Variants in WDR44 observed in about 807,000 individuals in gnomAD.
WDR44 encodes the protein WD repeat domain 44.
In WDR44, 9 loss-of-function variants were observed where a neutral mutation model predicts 65.7. The ratio of observed to expected loss-of-function variants is 0.14; its 90% CI spans 0.08 to 0.24. WDR44 has a LOEUF of 0.24. Among genes scored for constraint, WDR44 ranks in the 10% least tolerant of loss-of-function variants. The pLI, the probability that WDR44 is intolerant of heterozygous loss-of-function variation, is 1.00. For missense variants in WDR44, 425 were observed against 670.9 expected (o/e 0.63, Z 4.05); for synonymous variants, 220 against 235.2 (o/e 0.94, Z 0.59).
chrX:118,432,924 A>ATAAG, intron 13 of WDR44, 30 bp downstream of exon 13: 2 of 1,118,193 alleles, frequency 1.8e-6, no homozygotes, highest in South Asian at 3.7e-5. Context: ...ATCATATAGT[A>ATAAG]ATTCTGCGTA....
In WDR44 at chrX:118,381,448, G is replaced by A. The variant is rs145734346; in HGVS notation, c.111+2996G>A. Among the ~76,000 whole-genome samples the A allele has an allele frequency of 3.5e-3, 391 of 110,733 alleles. 9 individuals are homozygous for A. In the East Asian group the frequency reaches 0.063, roughly 18 times the overall value. On this transcript the variant is annotated intron_variant, in intron 2 of 19. Coordinates refer to ENST00000254029, the MANE Select transcript of WDR44 (RefSeq NM_019045.5). ...TGTGCCACTGTACTCCACCCTGGACGATAGAGTGAGACTCTGTCTCAAGTT... is the reference window on the plus strand; with the variant it reads ...TGTGCCACTGTACTCCACCCTGGACAATAGAGTGAGACTCTGTCTCAAGTT...
At chrX:118,376,306 T>A (rs1263458356) in intron 1 of WDR44, among the ~76,000 whole-genome samples, 1 of 111,506 alleles carries the variant, frequency 9.0e-6, no homozygotes, top group Non-Finnish European at 1.9e-5. Context: ...ACAAATTAAG[T>A]TTTTATTAGA....
chrX:118,393,063 GGAA>G lies in WDR44; in HGVS notation c.623_625del (p.Glu208del). ...TATCTACTAAAGATTTTGCCGCTGT[GGAA>G]GAAGTGGCCCCTGCCAAACCCCCAA... On this transcript the variant is annotated inframe_deletion, in exon 4 of 20. Coordinates refer to ENST00000254029, the MANE Select transcript of WDR44 (RefSeq NM_019045.5). 1 of 1,211,859 alleles carries G rather than the reference GGAA, an allele frequency of 8.3e-7. No individual in the cohort carries two copies. Among genetic ancestry groups the G allele is most frequent in the Non-Finnish European group, 1.1e-6 (1 of 895,532 alleles).
intron 14 of WDR44, among the ~76,000 whole-genome samples, 194 bp from the exon 15 acceptor site, chrX:118,441,174 A>G (rs2057303235): frequency 9.1e-6 from 1 of 110,323 alleles, no homozygotes. Context: ...TGGCCAGGAT[A>G]GTGTCGATCT....
intron 12 of WDR44, among the ~76,000 whole-genome samples, chrX:118,417,551 G>A (rs753662739): frequency 2.7e-5 from 3 of 111,909 alleles, no homozygotes; most frequent in East Asian, 2.8e-4. Flanking sequence ...TGAGAAATCC[G>A]CTGCTAATCT....
intron 12 of WDR44, among the ~76,000 whole-genome samples, chrX:118,416,391 G>A (rs190911057): frequency 9.0e-6 from 1 of 111,627 alleles, no homozygotes; most frequent in African/African-American, 3.2e-5. Context: ...TTTCATTATT[G>A]TCATTCAGTT....
intron 3 of WDR44, among the ~76,000 whole-genome samples, chrX:118,389,818 T>A (rs1031383204): frequency 9.2e-6 from 1 of 109,149 alleles, no homozygotes; most frequent in South Asian, 3.9e-4. Context: ...CATTTGAGGA[T>A]GAGCCTAGAG....
intron 12 of WDR44, among the ~76,000 whole-genome samples, chrX:118,420,634 C>T (rs977057686): frequency 8.9e-6 from 1 of 111,834 alleles, no homozygotes; most frequent in African/African-American, 3.2e-5. Flanking sequence ...TAACTTTTGA[C>T]TCAGTTCCAA....
intron 7 of WDR44, among the ~76,000 whole-genome samples, chrX:118,398,142 CAGG>C (rs1489253891): frequency 1.8e-5 from 2 of 111,842 alleles, no homozygotes; most frequent in African/African-American, 3.3e-5. Context: ...GAGGCTGAGG[CAGG>C]AGAATTGCTT....
intron 1 of WDR44, among the ~76,000 whole-genome samples, chrX:118,365,840 A>G (rs2056548460): frequency 8.9e-6 from 1 of 112,100 alleles, no homozygotes; most frequent in African/African-American, 3.2e-5. Context: ...ACAATTAAAC[A>G]GTGTTTAAGA....
chrX:118,411,057 A>G, intron 12 of WDR44, 98 bp downstream of exon 12: 1 of 666,329 alleles, frequency 1.5e-6, no homozygotes, highest in Non-Finnish European at 2.2e-6. Flanking sequence ...TTGCATGAAG[A>G]CACTTAATAT....
rs764941452 is a variant in WDR44, at chrX:118,449,076, T to A, written c.*89T>A. On this transcript the variant is annotated 3_prime_UTR_variant, in exon 20 of 20. Coordinates refer to ENST00000254029, the MANE Select transcript of WDR44 (RefSeq NM_019045.5). ...AGTGTTCCAGGCTAACATACTTTTT[T>A]AATTTTTATTGAAAGTTGTTCAAAT... The A allele has an allele frequency of 7.1e-6, 4 of 561,662 alleles. No homozygotes were observed. Among genetic ancestry groups the A allele is most frequent in the South Asian group, 4.7e-5 (1 of 21,396 alleles). The allele number at this position is 561,662 out of a possible 1,213,427, so 46.3% of individuals were successfully genotyped here.
rs753195976 is a variant in WDR44, at chrX:118,363,570, G to T, written c.78-14849G>T. On this transcript the variant is annotated intron_variant, in intron 1 of 19. Coordinates refer to ENST00000254029, the MANE Select transcript of WDR44 (RefSeq NM_019045.5). ...CCTCTAAGGGAGCAGCAAGCAGATGGAATAAAGCACATAGTAGCTGCACTG... is the reference window on the plus strand; with the variant it reads ...CCTCTAAGGGAGCAGCAAGCAGATGTAATAAAGCACATAGTAGCTGCACTG... 2.7e-5 allele frequency among the ~76,000 whole-genome samples: 3 copies of T among 111,405 alleles called. No homozygotes were observed. In the East Asian group the frequency reaches 8.4e-4, roughly 31 times the overall value.
At chrX:118,381,171 T>G (rs1414229604) in intron 2 of WDR44, among the ~76,000 whole-genome samples, 3 of 111,723 alleles carry the variant, frequency 2.7e-5, no homozygotes, top group Non-Finnish European at 5.6e-5. Flanking sequence ...AAAATTAAAT[T>G]ATAATTTAGA....
intron 10 of WDR44, among the ~76,000 whole-genome samples, chrX:118,408,243 G>A (rs1393160550): frequency 7.2e-5 from 8 of 110,930 alleles, no homozygotes; most frequent in Admixed American, 5.8e-4. Context: ...TCCAACTTAA[G>A]AGGTTCATGT....
chrX:118,348,967 G>C (rs1231625245), intron 1 of WDR44, among the ~76,000 whole-genome samples: 1 of 112,195 alleles, frequency 8.9e-6, no homozygotes, highest in African/African-American at 3.2e-5. Flanking sequence ...CTCATGTTTT[G>C]TTAATTAGCA....
intron 12 of WDR44, among the ~76,000 whole-genome samples, chrX:118,430,214 C>T (rs1397426394): frequency 3.8e-5 from 4 of 106,526 alleles, no homozygotes; most frequent in Non-Finnish European, 5.8e-5. Flanking sequence ...TTTTGTTCTC[C>T]GAATTGTCTA....
At chrX:118,362,228 C>G (rs768743904) in intron 1 of WDR44, among the ~76,000 whole-genome samples, 26 of 112,376 alleles carry the variant, frequency 2.3e-4, no homozygotes, top group Middle Eastern at 4.6e-3. Flanking sequence ...AATATTTCTA[C>G]TACGCTTTTT....
chrX:118,387,181 C>CAAA (rs61229618), intron 2 of WDR44, among the ~76,000 whole-genome samples, 159 bp from the exon 3 acceptor site: 291 of 37,170 alleles, frequency 7.8e-3, no homozygotes, highest in Non-Finnish European at 0.012. Flanking sequence ...AACTCTGTCT[C>CAAA]AAAAAAAAAA....
Sources: allele counts gnomAD v4.1 joint callset (sites outside exome capture counted in the v4.1 genomes callset), GRCh38; gene constraint gnomAD v4.1.1; transcripts MANE v1.5; gene names NCBI Gene and HGNC (gene_info 2026-07-23, HGNC 2026-07-21).